Variants in STAT5A observed in about 807,000 individuals in gnomAD.
STAT5A encodes the protein signal transducer and activator of transcription 5A.
STAT5A carries 26 observed loss-of-function variants against 100.2 expected under a neutral mutation model. The observed-to-expected ratio is 0.26, with a 90% CI of 0.19 to 0.36. STAT5A has a LOEUF of 0.36. Among genes scored for constraint, STAT5A ranks in the 10% least tolerant of loss-of-function variants. The probability of loss-of-function intolerance (pLI) is 1.00; values close to 1 mark genes in which losing one functional copy is unlikely to be tolerated. For synonymous variants in STAT5A, 330 were observed against 424.3 expected, an observed-to-expected ratio of 0.78 and a Z score of 2.73; for missense variants, 634 against 1,027.5, an observed-to-expected ratio of 0.62 and a Z score of 5.24.
Position 42,305,617 on chromosome 17 carries a change from C to T in STAT5A, c.1388C>T (p.Ser463Phe), listed in dbSNP as rs751813910. 1.2e-6 allele frequency: 2 copies of T among 1,614,202 alleles called. No homozygotes were observed. The highest frequency in any genetic ancestry group is 1.7e-6 in the Non-Finnish European group (2 of 1,180,018). ...NELVFQVKTL[S>F]LPVVVIVHGS... Reference sequence around the variant, plus strand: ...TTCCTTTGACTCCTGTAGACTCTGTCCCTACCTGTGGTTGTCATCGTCCAC... The same window carrying T: ...TTCCTTTGACTCCTGTAGACTCTGTTCCTACCTGTGGTTGTCATCGTCCAC... Residue 463 changes from serine to phenylalanine, a missense_variant, in exon 12 of 19, where the codon TCC (serine) becomes TTC (phenylalanine). Transcript: ENST00000590949.
At chr17:42,301,249 T>A in intron 8 of STAT5A, 26 bp from the exon 9 acceptor site, 1 of 1,607,690 alleles carries the variant, frequency 6.2e-7, no homozygotes. Context: ...CCCCTCATCG[T>A]GTGTCTGTCC....
intron 8 of STAT5A, 66 bp from the exon 9 acceptor site, chr17:42,301,209 A>G: frequency 6.4e-7 from 1 of 1,574,770 alleles, no homozygotes; most frequent in Non-Finnish European, 8.6e-7. Context: ...CCCACCACAG[A>G]GGGACTGAGA....
intron 18 of STAT5A, chr17:42,309,716 T>C: frequency 4.3e-6 from 2 of 463,240 alleles, no homozygotes; most frequent in Non-Finnish European, 7.7e-6. Flanking sequence ...TCTCTGATGC[T>C]CAAGTTTCCT....
rs1483851302 is a variant in STAT5A, at chr17:42,305,846, G to A, written c.1473+144G>A. ...GTGAGGTGAGGCCAGAAGGGCTGGG[G>A]TGCTGGGCGCCTGCCTTCCACCATG... On this transcript the variant is annotated intron_variant, in intron 12 of 18. Transcript: ENST00000590949. The A allele has an allele frequency of 1.3e-5, 11 of 858,100 alleles. No individual in the cohort carries two copies. In the Admixed American group the frequency reaches 1.7e-4, roughly 13 times the overall value. The allele number at this position is 858,100 out of a possible 1,614,324, so 53.2% of individuals were successfully genotyped here.
At position 42,310,744 on chromosome 17, in the gene STAT5A, G is replaced by A; in HGVS notation, c.*75G>A. The A allele has an allele frequency of 6.3e-7, 1 of 1,595,606 alleles. No individual in the cohort carries two copies. Among genetic ancestry groups the A allele is most frequent in the Non-Finnish European group, 8.6e-7 (1 of 1,169,580 alleles). ...GTCGTGTTGTGAGTTTAGTAAGGCT[G>A]TGTACACTGACACCTTTGCAGGCAT... On this transcript the variant is annotated 3_prime_UTR_variant, in exon 19 of 19. Transcript: ENST00000590949.
chr17:42,304,513 C>G lies in STAT5A; in HGVS notation c.1258-17C>G. ...AGCCGCCATCTCCCTGTTCCCCTGT[C>G]ACCTCCCACCCTGCAGTCACTGAAG... On this transcript the variant is annotated splice_polypyrimidine_tract_variant and intron_variant, in intron 10 of 18. Transcript: ENST00000590949. This position sits in a 1 kb window ranked among gnomAD's most constrained non-coding sequence, Gnocchi z 4.8. The G allele has an allele frequency of 5.0e-6, 8 of 1,614,202 alleles. No individual in the cohort carries two copies. Among genetic ancestry groups the G allele is most frequent in the Non-Finnish European group, 6.8e-6 (8 of 1,180,014 alleles).
intron 4 of STAT5A, among the ~76,000 whole-genome samples, chr17:42,292,637 TC>T (rs1029431406): frequency 6.8e-6 from 1 of 147,734 alleles, no homozygotes. Context: ...TACTGTTTTT[TC>T]CCCCCCGAGA....
intron 13 of STAT5A, 133 bp downstream of exon 13, chr17:42,306,580 A>T (rs1299170575): frequency 2.8e-6 from 4 of 1,431,182 alleles, no homozygotes. Context: ...CAACCAGGAG[A>T]GATGGGGGCC....
rs1427454888 is a variant in STAT5A, at chr17:42,288,819, G to C, written c.-11+221G>C. Among the ~76,000 whole-genome samples, 3 of 152,002 alleles carry C rather than the reference G, an allele frequency of 2.0e-5. No homozygotes were observed. Among genetic ancestry groups the C allele is most frequent in the African/African-American group, 7.3e-5 (3 of 41,258 alleles). On this transcript the variant is annotated intron_variant, in intron 1 of 18. Transcript: ENST00000590949. This position sits in a 1 kb window ranked among gnomAD's most constrained non-coding sequence, Gnocchi z 4.8. ...GCCAGGGAGGGCGCCGTCCTGGCAC[G>C]CCTCGGAGAGGGAGCACCTGTCGGG...
At chr17:42,301,138 C>CG (rs928432226) in intron 8 of STAT5A, 137 bp from the exon 9 acceptor site, 48 of 1,433,114 alleles carry the variant, frequency 3.3e-5, no homozygotes, top group African/African-American at 5.7e-5. Flanking sequence ...ACAGCTTCCC[C>CG]GGGAACAGAG....
At chr17:42,300,629 C>T (rs758334566) in intron 7 of STAT5A, 86 bp from the exon 8 acceptor site, 171 of 1,610,358 alleles carry the variant, frequency 1.1e-4, no homozygotes, top group Non-Finnish European at 4.9e-5. Flanking sequence ...CAGAGCCTTC[C>T]TGGGGGAACG....
intron 1 of STAT5A, 161 bp from the exon 2 acceptor site, chr17:42,289,241 A>G (rs2080844797): frequency 3.9e-6 from 3 of 760,096 alleles, no homozygotes; most frequent in Non-Finnish European, 5.8e-6. Context: ...GCGGCCCTCC[A>G]CTCCTCACCA....
intron 9 of STAT5A, 89 bp downstream of exon 9, chr17:42,301,543 C>T (rs528228046): frequency 1.9e-6 from 3 of 1,542,866 alleles, no homozygotes; most frequent in African/African-American, 2.7e-5. Flanking sequence ...TATGTCTTGT[C>T]CCCTAGTTCA....
At chr17:42,302,340 G>A (rs965174005) in intron 9 of STAT5A, among the ~76,000 whole-genome samples, 1 of 152,240 alleles carries the variant, frequency 6.6e-6, no homozygotes, top group African/African-American at 2.4e-5. Context: ...GTGGCAGGGG[G>A]ATGTGTAGGG....
intron 4 of STAT5A, 89 bp downstream of exon 4, chr17:42,292,150 C>A (rs1598354413): frequency 6.8e-7 from 1 of 1,470,790 alleles, no homozygotes; most frequent in Non-Finnish European, 9.4e-7. Flanking sequence ...TATAAAACAG[C>A]AGCACGAGGA....
At chr17:42,293,667 A>G (rs915877590) in intron 4 of STAT5A, among the ~76,000 whole-genome samples, 8 of 152,204 alleles carry the variant, frequency 5.3e-5, no homozygotes, top group African/African-American at 1.9e-4. Context: ...TCTAGAGATG[A>G]GCTGAGTGCT....
At chr17:42,294,112 C>T (rs529383119) in intron 4 of STAT5A, among the ~76,000 whole-genome samples, 6 of 151,476 alleles carry the variant, frequency 4.0e-5, no homozygotes, top group South Asian at 4.2e-4. Context: ...GCTACTCGGG[C>T]GGCTGAGGCA....
intron 13 of STAT5A, 144 bp downstream of exon 13, chr17:42,306,591 C>T (rs2081031226): frequency 1.5e-6 from 2 of 1,304,654 alleles, no homozygotes; most frequent in East Asian, 2.5e-5. Context: ...GATGGGGGCC[C>T]CTAGCCTCAA....
intron 5 of STAT5A, among the ~76,000 whole-genome samples, chr17:42,296,063 T>C (rs1167216202): frequency 6.6e-6 from 1 of 152,214 alleles, no homozygotes; most frequent in Admixed American, 6.5e-5. Context: ...AGAGAACAAG[T>C]AACTTGGCCT....
Sources: gnomAD v4.1 joint callset for allele counts (sites outside exome capture counted in the v4.1 genomes callset) on GRCh38, gnomAD v4.1.1 for gene constraint, Gnocchi (gnomAD v3.1) non-coding constraint, MANE v1.5 for transcripts, NCBI Gene and HGNC (gene_info 2026-07-23, HGNC 2026-07-21) for gene names.